PKHD1: variants seen among roughly 807,000 people sequenced by gnomAD.
The protein encoded by PKHD1 is PKHD1 ciliary IPT domain containing fibrocystin/polyductin, also known as fibrocystin.
Under a neutral mutation model 412.0 loss-of-function variants are expected in PKHD1, and 291 were observed. That is an observed-to-expected ratio of 0.71 (90% CI 0.64 to 0.78). The LOEUF (loss-of-function observed/expected upper bound fraction) is 0.78. Among genes scored for constraint, PKHD1 ranks in the 30% least tolerant of loss-of-function variants. The pLI, the probability that PKHD1 is intolerant of heterozygous loss-of-function variation, is 0.00. For synonymous variants in PKHD1, 1,777 were observed against 1,821.5 expected, an observed-to-expected ratio of 0.98 and a Z score of 0.62; for missense variants, 4,825 against 4,950.7, an observed-to-expected ratio of 0.97 and a Z score of 0.76.
intron 7 of PKHD1, 143 bp downstream of exon 7, chr6:52,073,319 CT>C: frequency 1.3e-6 from 1 of 749,436 alleles, no homozygotes; most frequent in Non-Finnish European, 2.5e-6. Context: ...TGAAGCCCAG[CT>C]CATGAGGGAC....
Position 51,619,537 on chromosome 6 carries a change from T to C in PKHD1, c.11786-17A>G, listed in dbSNP as rs1216911459. 5 of 1,603,210 alleles carry C rather than the reference T, an allele frequency of 3.1e-6. No homozygotes were observed. The African/African-American group carries it at 6.7e-5, about 21-fold the overall frequency. The stretch of plus-strand genomic sequence containing the variant: ...TTCTCATATCTGGGGGGAAAAGAAA[T>C]AGGGGAAGAAATGGATTTAGTTTTC... On this transcript the variant is annotated splice_polypyrimidine_tract_variant and intron_variant, in intron 66 of 66. Coordinates refer to ENST00000371117, the MANE Select transcript of PKHD1 (RefSeq NM_138694.4).
At chr6:51,975,975 A>AAAAAC (rs1794378202) in intron 35 of PKHD1, 1 of 148,988 alleles carries the variant, frequency 6.7e-6, no homozygotes, top group African/African-American at 2.5e-5. Flanking sequence ...AAAAAAAAAA[A>AAAAAC]AAAAAAAAAA....
chr6:51,716,592 T>C (rs2150793375), intron 60 of PKHD1, among the ~76,000 whole-genome samples: 1 of 152,174 alleles, frequency 6.6e-6, no homozygotes, highest in Non-Finnish European at 1.5e-5. Context: ...TTGCTCCCCT[T>C]TCTTCTGGTT....
chr6:52,076,662 G>A (rs1430784114), intron 5 of PKHD1, among the ~76,000 whole-genome samples: 3 of 152,146 alleles, frequency 2.0e-5, no homozygotes, highest in Non-Finnish European at 4.4e-5. Context: ...TTACTAGAAG[G>A]AAAGGTAGAC....
chr6:51,638,201 AT>A (rs766387649), intron 64 of PKHD1, among the ~76,000 whole-genome samples: 15 of 152,174 alleles, frequency 9.9e-5, no homozygotes, highest in Non-Finnish European at 1.9e-4. Flanking sequence ...TTGCAAACTT[AT>A]TTCAACATTT....
Position 51,791,269 on chromosome 6 carries a change from A to G in PKHD1, c.8407T>C (p.Cys2803Arg), listed in dbSNP as rs398124495. 24 of 1,614,018 alleles carry G rather than the reference A, an allele frequency of 1.5e-5. No individual in the cohort carries two copies. In the Admixed American group the frequency reaches 2.7e-4, roughly 18 times the overall value. Residue 2803 changes from cysteine (C) to arginine (R), a missense_variant, in exon 53 of 67, where the codon TGC (cysteine) becomes CGC (arginine). By Grantham distance (180) the Cys-to-Arg change is radical. Coordinates refer to ENST00000371117, the MANE Select transcript of PKHD1 (RefSeq NM_138694.4). ...AGCTCCCCGCCTGCAATGACCATGC[A>G]TGCCACACTCAGAACATTGCTTCTG... ...VDRSNVLSVA[C>R]MVIAGGELKV...
chr6:51,998,953 C>T (rs1036467547), intron 35 of PKHD1, among the ~76,000 whole-genome samples: 4 of 152,154 alleles, frequency 2.6e-5, no homozygotes, highest in African/African-American at 9.6e-5. Flanking sequence ...AGTCTACCAT[C>T]AGCTAACTCC....
At chr6:51,785,330 G>A (rs1792689056) in intron 53 of PKHD1, among the ~76,000 whole-genome samples, 1 of 152,060 alleles carries the variant, frequency 6.6e-6, no homozygotes, top group Non-Finnish European at 1.5e-5. Flanking sequence ...GACTCAATAT[G>A]GACAACTATT....
intron 27 of PKHD1, among the ~76,000 whole-genome samples, chr6:52,037,058 A>G (rs1804074806): frequency 6.6e-6 from 1 of 152,168 alleles, no homozygotes; most frequent in Non-Finnish European, 1.5e-5. Context: ...TATGTGGTAA[A>G]ATAAAATATA....
At chr6:51,905,428 T>C (rs1015922323) in intron 41 of PKHD1, among the ~76,000 whole-genome samples, 2 of 152,128 alleles carry the variant, frequency 1.3e-5, no homozygotes, top group Non-Finnish European at 2.9e-5. Context: ...ACAGAAGGAC[T>C]TGTCTGGGAG....
At chr6:52,082,062 T>C (rs1324037128) in intron 4 of PKHD1, among the ~76,000 whole-genome samples, 1 of 152,122 alleles carries the variant, frequency 6.6e-6, no homozygotes, top group Non-Finnish European at 1.5e-5. Context: ...TTATGCCTAT[T>C]CCAAAAGATG....
intron 53 of PKHD1, among the ~76,000 whole-genome samples, chr6:51,776,123 C>G (rs1000817721): frequency 2.0e-5 from 3 of 151,898 alleles, no homozygotes; most frequent in African/African-American, 7.2e-5. Context: ...GTATTATTCA[C>G]CAGGTATTCA....
chr6:52,079,914 T>A lies in PKHD1; in HGVS notation c.376A>T (p.Ser126Cys). The change falls in exon 5 of 67, where the codon AGC becomes TGC. Residue 126 changes from serine (S) to cysteine (C), a missense_variant. By Grantham distance (112) the Ser-to-Cys change is moderately radical. Coordinates refer to ENST00000371117, the MANE Select transcript of PKHD1 (RefSeq NM_138694.4). The part of the protein sequence containing the change: ...VSSPNPGPRD[S>C]CTFKFSKAQT... ...TTAGAACCCACCTTGAAAGTACAGC[T>A]ATCTCGTGGTCCTGGATTTGGACTG... 1 of 1,587,268 alleles carries A rather than the reference T, an allele frequency of 6.3e-7. No individual in the cohort carries two copies. Among genetic ancestry groups the A allele is most frequent in the Non-Finnish European group, 8.7e-7 (1 of 1,155,550 alleles).
At chr6:51,964,141 G>A (rs1792471501) in intron 35 of PKHD1, among the ~76,000 whole-genome samples, 1 of 152,136 alleles carries the variant, frequency 6.6e-6, no homozygotes, top group African/African-American at 2.4e-5. Context: ...GCACTTCTCT[G>A]AACTTCAGGG....
chr6:51,822,716 T>C (rs571473204), intron 52 of PKHD1, among the ~76,000 whole-genome samples: 2 of 152,306 alleles, frequency 1.3e-5, no homozygotes, highest in South Asian at 2.1e-4. Flanking sequence ...ATGACTATAA[T>C]GGAATTTATT....
chr6:51,811,826 G>A (rs1358035830), intron 52 of PKHD1, among the ~76,000 whole-genome samples: 2 of 152,092 alleles, frequency 1.3e-5, no homozygotes, highest in Non-Finnish European at 2.9e-5. Context: ...TCCCAACTGA[G>A]AATAGCAGTT....
intron 59 of PKHD1, among the ~76,000 whole-genome samples, chr6:51,746,061 A>C (rs752647357): frequency 1.8e-4 from 28 of 152,162 alleles, no homozygotes; most frequent in Non-Finnish European, 3.7e-4. Flanking sequence ...AAAGTAATTC[A>C]TTCTTCCTGT....
At chr6:51,954,791 G>A (rs1017866907) in intron 36 of PKHD1, among the ~76,000 whole-genome samples, 3 of 152,112 alleles carry the variant, frequency 2.0e-5, no homozygotes, top group South Asian at 4.1e-4. Flanking sequence ...TCAACACCAA[G>A]GAGAGAGTTC....
At chr6:51,697,629 C>T (rs1314129160) in intron 60 of PKHD1, among the ~76,000 whole-genome samples, 2 of 152,218 alleles carry the variant, frequency 1.3e-5, no homozygotes, top group Non-Finnish European at 2.9e-5. Context: ...TATCTGCAGA[C>T]ATTGCCAAAT....
Sources: gnomAD v4.1 joint callset for allele counts (sites outside exome capture counted in the v4.1 genomes callset) on GRCh38, gnomAD v4.1.1 for gene constraint, MANE v1.5 for transcripts, NCBI Gene and HGNC (gene_info 2026-07-23, HGNC 2026-07-21) for gene names.